Variants in DCC observed in about 807,000 individuals in gnomAD.
DCC encodes the protein DCC netrin 1 receptor, also known as netrin receptor DCC.
Under a neutral mutation model 172.5 loss-of-function variants are expected in DCC, and 58 were observed. The ratio of observed to expected loss-of-function variants is 0.34; its 90% confidence interval spans 0.27 to 0.42. The LOEUF (loss-of-function observed/expected upper bound fraction) is 0.42. Ranked by LOEUF, DCC falls within the 10% of genes least tolerant of loss-of-function variation. The pLI, the probability that DCC is intolerant of heterozygous loss-of-function variation, is 1.00. For missense variants in DCC, 1,740 were observed against 1,791.0 expected, an observed-to-expected ratio of 0.97 and a Z score of 0.51; for synonymous variants, 709 against 644.5, an observed-to-expected ratio of 1.10 and a Z score of -1.52.
intron 1 of DCC, among the ~76,000 whole-genome samples, chr18:52,394,365 C>T (rs1986139078): frequency 6.6e-6 from 1 of 151,924 alleles, no homozygotes; most frequent in Non-Finnish European, 1.5e-5. Context: ...CTCCTGGGCT[C>T]AAGGGATTCT....
At chr18:52,549,354 C>T (rs903804314) in intron 1 of DCC, among the ~76,000 whole-genome samples, 2 of 152,012 alleles carry the variant, frequency 1.3e-5, no homozygotes, top group African/African-American at 4.8e-5. Flanking sequence ...TAACCAGCTC[C>T]TTCTATCACA....
At position 53,145,356 on chromosome 18, in the gene DCC, G is replaced by A. The variant is rs1439809437; in HGVS notation, c.1262-12000G>A. 4.6e-5 allele frequency among the ~76,000 whole-genome samples: 7 copies of A among 152,090 alleles called. No individual in the cohort carries two copies. In the South Asian group the frequency reaches 1.0e-3, roughly 23 times the overall value. ...TCTAGATCTCCTGGCCTCGTGATCC[G>A]CCCGCCTCGGCCTCCCGAAGTGCTG... is the stretch of plus-strand genomic sequence containing the variant. On this transcript the variant is annotated intron_variant, in intron 7 of 28. Coordinates refer to ENST00000442544, the MANE Select transcript of DCC (RefSeq NM_005215.4).
chr18:52,498,405 C>T (rs2030884346), intron 1 of DCC, among the ~76,000 whole-genome samples: 2 of 152,052 alleles, frequency 1.3e-5, no homozygotes, highest in African/African-American at 4.8e-5. Flanking sequence ...GGGTGGATCA[C>T]TTGAGGTCAT....
chr18:53,409,520 C>T (rs1022253568), intron 19 of DCC, among the ~76,000 whole-genome samples: 3 of 152,064 alleles, frequency 2.0e-5, no homozygotes, highest in Admixed American at 6.6e-5. Flanking sequence ...CTATCATGAG[C>T]GCCTTTACGG....
At chr18:52,421,858 C>A (rs952975128) in intron 1 of DCC, among the ~76,000 whole-genome samples, 1 of 152,092 alleles carries the variant, frequency 6.6e-6, no homozygotes, top group Non-Finnish European at 1.5e-5. Context: ...TAGCACTTAC[C>A]GGCCCAATGG....
intron 19 of DCC, among the ~76,000 whole-genome samples, chr18:53,405,481 G>A (rs2145043563): frequency 6.6e-6 from 1 of 152,234 alleles, no homozygotes; most frequent in African/African-American, 2.4e-5. Flanking sequence ...AAAAGCCCCT[G>A]ATACCCAGTG....
rs116925077 is a variant in DCC at position 53,135,476 on chromosome 18, C to T, written c.1262-21880C>T. On this transcript the variant is annotated intron_variant, in intron 7 of 28. Transcript: ENST00000442544. ...TATTTTGATTTTTACACTCCTTATCCCACATCTGAATATAATTGTCTAGGA... is the reference window on the plus strand; with the variant it reads ...TATTTTGATTTTTACACTCCTTATCTCACATCTGAATATAATTGTCTAGGA... 5.6e-3 allele frequency among the ~76,000 whole-genome samples: 855 copies of T among 152,162 alleles called. 6 individuals are homozygous for T. The highest frequency in any genetic ancestry group is 0.023 in the Admixed American group (351 of 15,262).
chr18:53,208,327 G>C (rs1284492343), intron 11 of DCC, among the ~76,000 whole-genome samples: 1 of 151,568 alleles, frequency 6.6e-6, no homozygotes, highest in Non-Finnish European at 1.5e-5. Flanking sequence ...ATATACTCTT[G>C]AGTCAGTATA....
intron 1 of DCC, among the ~76,000 whole-genome samples, chr18:52,423,003 A>G (rs1987301558): frequency 6.6e-6 from 1 of 152,176 alleles, no homozygotes; most frequent in Admixed American, 6.6e-5. Flanking sequence ...AGTGACATTA[A>G]TTTATTGAAC....
chr18:53,342,596 A>T (rs1258864595), intron 15 of DCC, among the ~76,000 whole-genome samples: 5 of 150,872 alleles, frequency 3.3e-5, no homozygotes, highest in African/African-American at 1.2e-4. Flanking sequence ...TTAATAAAGT[A>T]TATCTTTATA....
intron 21 of DCC, among the ~76,000 whole-genome samples, chr18:53,429,276 G>T (rs1027294267): frequency 1.5e-4 from 8 of 54,570 alleles, no homozygotes; most frequent in African/African-American, 3.2e-4. Flanking sequence ...CTCTGCAAGA[G>T]ACCACATGCA....
At chr18:52,546,659 T>TATCATCATC (rs3086379) in intron 1 of DCC, among the ~76,000 whole-genome samples, 34 of 150,300 alleles carry the variant, frequency 2.3e-4, no homozygotes, top group African/African-American at 5.1e-4. Flanking sequence ...TCAATAATAA[T>TATCATCATC]ATCATCATCA....
chr18:53,024,302 T>A (rs1198980916), intron 5 of DCC, among the ~76,000 whole-genome samples: 2 of 152,128 alleles, frequency 1.3e-5, no homozygotes, highest in Non-Finnish European at 2.9e-5. Flanking sequence ...TAGGGACAAA[T>A]GGACCTGATG....
At chr18:52,595,853 A>G (rs557497026) in intron 1 of DCC, among the ~76,000 whole-genome samples, 24 of 152,308 alleles carry the variant, frequency 1.6e-4, no homozygotes, top group Middle Eastern at 3.4e-3. Context: ...GAGAGGACCT[A>G]GGACCCAGGT....
intron 27 of DCC, among the ~76,000 whole-genome samples, chr18:53,513,348 C>T (rs907450725): frequency 6.6e-6 from 1 of 152,210 alleles, no homozygotes; most frequent in African/African-American, 2.4e-5. Flanking sequence ...GTACCAGCCG[C>T]TGCAAAATTA....
intron 5 of DCC, among the ~76,000 whole-genome samples, chr18:52,927,086 C>CGTATATACGTGTATATAT (rs2040221127): frequency 1.2e-5 from 1 of 83,110 alleles, no homozygotes; most frequent in South Asian, 3.1e-4. Context: ...TGTGTATATA[C>CGTATATACGTGTATATAT]ACGTATATAC....
intron 8 of DCC, among the ~76,000 whole-genome samples, chr18:53,175,897 T>TG (rs1263855222): frequency 6.6e-6 from 1 of 152,204 alleles, no homozygotes; most frequent in Non-Finnish European, 1.5e-5. Flanking sequence ...AGAACAAAGC[T>TG]GGAGGTATCA....
At chr18:52,736,222 C>T (rs2036724984) in intron 1 of DCC, among the ~76,000 whole-genome samples, 1 of 151,912 alleles carries the variant, frequency 6.6e-6, no homozygotes, top group African/African-American at 2.4e-5. Context: ...AACAACCTTT[C>T]CCTGACCAAT....
chr18:53,465,274 G>A (rs1350271499), intron 24 of DCC, among the ~76,000 whole-genome samples: 1 of 151,072 alleles, frequency 6.6e-6, no homozygotes, highest in East Asian at 1.9e-4. Flanking sequence ...ATCTGCTTGA[G>A]ACAAATTCTC....
Sources: allele counts gnomAD v4.1 joint callset (sites outside exome capture counted in the v4.1 genomes callset), GRCh38; gene constraint gnomAD v4.1.1; transcripts MANE v1.5; gene names NCBI Gene and HGNC (gene_info 2026-07-23, HGNC 2026-07-21).